Variants in MRE11 observed in about 807,000 individuals in gnomAD.
MRE11 encodes the protein MRE11 double strand break repair nuclease.
Under a neutral mutation model 91.7 loss-of-function variants are expected in MRE11, and 62 were observed. That is an observed-to-expected ratio of 0.68 (90% CI 0.55 to 0.84). The LOEUF is 0.84. MRE11 is among the 40% of genes least tolerant of loss of function. The probability of loss-of-function intolerance (pLI) is 0.00; values close to 1 mark genes in which losing one functional copy is unlikely to be tolerated. For synonymous variants in MRE11, 273 were observed against 271.4 expected, an observed-to-expected ratio of 1.01 and a Z score of -0.06; for missense variants, 796 against 852.9, an observed-to-expected ratio of 0.93 and a Z score of 0.83.
chr11:94,508,146 A>G, the MRE11 span, among the ~76,000 whole-genome samples: 3 of 152,074 alleles, frequency 2.0e-5, no homozygotes, highest in African/African-American at 7.2e-5. Context: ...GAATCTTGCT[A>G]TATTGCCCCA....
In MRE11 at chr11:94,490,490, A is replaced by G. The variant is rs560892624; in HGVS notation, c.153+343T>C. Among the ~76,000 whole-genome samples the G allele has an allele frequency of 3.3e-5, 5 of 152,302 alleles. No individual in the cohort carries two copies. In the South Asian group the frequency reaches 1.0e-3, roughly 32 times the overall value. On this transcript the variant is annotated intron_variant, in intron 3 of 19. Transcript: ENST00000323929. ...ATCACATACAACCTTGCATCTGTGG[A>G]TTGTGGATATTTGTCTTTCACACCA...
the MRE11 span, among the ~76,000 whole-genome samples, chr11:94,504,772 A>C: frequency 6.6e-6 from 1 of 152,234 alleles, no homozygotes; most frequent in Non-Finnish European, 1.5e-5. Flanking sequence ...GAAGTAACTT[A>C]TTTACTCTGG....
At chr11:94,466,496 G>C (rs764991733) in intron 10 of MRE11, 1 of 532,174 alleles carries the variant, frequency 1.9e-6, no homozygotes, top group South Asian at 1.4e-5. Flanking sequence ...AATCTACGAA[G>C]CATTTGGTTG....
chr11:94,479,818 A>C (rs550434489), intron 4 of MRE11, 57 bp from the exon 5 acceptor site: 4 of 1,381,128 alleles, frequency 2.9e-6, no homozygotes, highest in African/African-American at 2.8e-5. Flanking sequence ...GTTTTCCCTA[A>C]GATTCTCCTC....
intron 10 of MRE11, chr11:94,466,644 A>T: frequency 2.8e-6 from 1 of 359,922 alleles, no homozygotes. Context: ...GCCAGAATGA[A>T]GCTCAGGAAG....
At position 94,415,666 on chromosome 11, in the gene MRE11, T is replaced by G. The variant is rs1945019315; in HGVS notation, c.*4459A>C. On this transcript the variant is annotated 3_prime_UTR_variant, in exon 20 of 20. Coordinates refer to ENST00000323929, the MANE Select transcript of MRE11 (RefSeq NM_005591.4). ...CACAACGGGAAGCAGCGCAGTTATC[T>G]CTCAAAATAGACAATGATGGTTTAA... The G allele has an allele frequency of 6.6e-6, 1 of 152,196 alleles. No individual in the cohort carries two copies. Among genetic ancestry groups the G allele is most frequent in the African/African-American group, 2.4e-5 (1 of 41,442 alleles). 9.4% of individuals were successfully genotyped at this position (152,196 alleles called of 1,614,324 possible). A position where few individuals can be genotyped will look rare whatever the true frequency, so the allele number is the denominator to read the frequency against.
chr11:94,429,822 A>T, intron 19 of MRE11, 89 bp downstream of exon 19: 2 of 1,107,664 alleles, frequency 1.8e-6, no homozygotes, highest in Non-Finnish European at 2.6e-6. Context: ...TTTATCAAAG[A>T]AAAAAAAGTT....
At position 94,470,608 on chromosome 11, in the gene MRE11, T is replaced by C. The variant is rs786202636; in HGVS notation, c.880A>G (p.Met294Val). The C allele has an allele frequency of 2.4e-5, 38 of 1,613,144 alleles. No individual in the cohort carries two copies. Among genetic ancestry groups the C allele is most frequent in the Non-Finnish European group, 2.7e-5 (32 of 1,179,402 alleles). Residue 294 changes from methionine (M) to valine (V), a missense_variant, in exon 9 of 20, where the codon ATG becomes GTG. Physicochemically the swap from Met to Val is conservative, Grantham distance 21. Coordinates refer to ENST00000323929, the MANE Select transcript of MRE11 (RefSeq NM_005591.4). ...TGAAGAGGAATTTTATGCATATTCA[T>C]CTTCCTCCCTTTAATACGCAGCAAA... ...VGLLRIKGRK[M>V]NMHKIPLHTV...
At chr11:94,459,291 T>C in intron 13 of MRE11, 117 bp downstream of exon 13, 1 of 1,051,734 alleles carries the variant, frequency 9.5e-7, no homozygotes, top group Non-Finnish European at 1.4e-6. Context: ...ATTTTATAGA[T>C]GAGAAAAACT....
the MRE11 span, among the ~76,000 whole-genome samples, chr11:94,503,857 T>C: frequency 3.6e-5 from 5 of 140,186 alleles, no homozygotes; most frequent in African/African-American, 1.3e-4. Context: ...AAAGACTAGC[T>C]ATAAAACAAC....
chr11:94,485,860 C>A, intron 4 of MRE11, 64 bp downstream of exon 4: 3 of 1,483,682 alleles, frequency 2.0e-6, no homozygotes. Flanking sequence ...TGTGTGTTTA[C>A]GTGTCTTATA....
At chr11:94,467,429 T>G (rs1163027098) in intron 10 of MRE11, among the ~76,000 whole-genome samples, 1 of 151,980 alleles carries the variant, frequency 6.6e-6, no homozygotes, top group Non-Finnish European at 1.5e-5. Flanking sequence ...GCTGCAATCT[T>G]GATGATAGGG....
intron 10 of MRE11, among the ~76,000 whole-genome samples, chr11:94,464,611 T>C (rs2135003577): frequency 6.6e-6 from 1 of 152,276 alleles, no homozygotes; most frequent in Non-Finnish European, 1.5e-5. Context: ...CAAAATAAAA[T>C]ACTAGCCTTA....
At chr11:94,421,567 C>T (rs1369525271) in intron 19 of MRE11, among the ~76,000 whole-genome samples, 1 of 152,158 alleles carries the variant, frequency 6.6e-6, no homozygotes, top group Non-Finnish European at 1.5e-5. Flanking sequence ...TTGGAATAAA[C>T]AATAATTGCT....
intron 19 of MRE11, among the ~76,000 whole-genome samples, chr11:94,425,466 A>G (rs1945287462): frequency 6.6e-6 from 1 of 152,220 alleles, no homozygotes. Context: ...ACCAGCTAAC[A>G]ATACGATGGC....
intron 4 of MRE11, among the ~76,000 whole-genome samples, chr11:94,484,349 G>A (rs140651598): frequency 1.3e-5 from 2 of 152,288 alleles, no homozygotes; most frequent in South Asian, 2.1e-4. Flanking sequence ...GAATATCACA[G>A]TTATAACTGT....
intron 16 of MRE11, among the ~76,000 whole-genome samples, chr11:94,438,278 A>G (rs1475315170): frequency 6.6e-6 from 1 of 152,240 alleles, no homozygotes; most frequent in African/African-American, 2.4e-5. Context: ...ACAGAAAAAC[A>G]AACAAATACT....
At chr11:94,506,593 GT>G in the MRE11 span, among the ~76,000 whole-genome samples, 156 of 140,786 alleles carry the variant, frequency 1.1e-3, no homozygotes, top group South Asian at 0.014. Context: ...TGCTTTTTTT[GT>G]TTTTTTTTTT....
intron 3 of MRE11, among the ~76,000 whole-genome samples, 188 bp from the exon 4 acceptor site, chr11:94,486,272 A>C (rs1400359355): frequency 1.3e-5 from 2 of 152,210 alleles, no homozygotes. Context: ...TTAGCTGACT[A>C]AGCTATCTTC....
Sources: allele counts gnomAD v4.1 joint callset (sites outside exome capture counted in the v4.1 genomes callset), GRCh38; gene constraint gnomAD v4.1.1; transcripts MANE v1.5; gene names NCBI Gene and HGNC (gene_info 2026-07-23, HGNC 2026-07-21).